Variants in SNX30 observed in about 807,000 individuals in gnomAD.
SNX30 encodes sorting nexin family member 30.
A neutral mutation model predicts 46.4 loss-of-function variants in SNX30; 24 were observed. That is an observed-to-expected ratio of 0.52 (90% CI 0.37 to 0.73). The LOEUF (loss-of-function observed/expected upper bound fraction) is 0.73. Among genes scored for constraint, SNX30 ranks in the 30% least tolerant of loss-of-function variants. SNX30 has a pLI of 0.00. For missense variants in SNX30, 533 were observed against 555.7 expected, an observed-to-expected ratio of 0.96 and a Z score of 0.41; for synonymous variants, 189 against 211.5, an observed-to-expected ratio of 0.89 and a Z score of 0.92.
In SNX30 at chr9:112,759,313, T is replaced by C. The variant is rs139411246; in HGVS notation, c.156+8156T>C. ...CTGTTCTTCAGGGTCCTCAGTGATC[T>C]CATTATTGCTAAATCCAGTAGATGC... On this transcript the variant is annotated intron_variant, in intron 1 of 8. Coordinates refer to ENST00000374232, the MANE Select transcript of SNX30 (RefSeq NM_001012994.2). 5.3e-5 allele frequency among the ~76,000 whole-genome samples: 8 copies of C among 152,304 alleles called. 1 individual carries two copies. In the East Asian group the frequency reaches 1.5e-3, roughly 29 times the overall value.
chr9:112,848,978 TAGG>T (rs1840982591), intron 6 of SNX30, among the ~76,000 whole-genome samples: 1 of 152,180 alleles, frequency 6.6e-6, no homozygotes, highest in African/African-American at 2.4e-5. Context: ...CAGCTTTAGT[TAGG>T]AGGCTCTTGC....
intron 4 of SNX30, among the ~76,000 whole-genome samples, chr9:112,832,869 A>T (rs932059217): frequency 1.2e-4 from 17 of 147,528 alleles, no homozygotes; most frequent in Non-Finnish European, 2.4e-4. Context: ...AATATAATAT[A>T]TATAAAATAT....
rs767780552 is a variant in SNX30 at position 112,836,293 on chromosome 9, A to G, written c.698A>G (p.Tyr233Cys). Residue 233 changes from tyrosine to cysteine, a missense_variant, in exon 5 of 9, where the codon TAC (tyrosine) becomes TGC (cysteine). Around this residue, in one of 3 missense-constraint regions of SNX30, gnomAD observed 261 missense variants for 270.9 expected, o/e 0.96. Transcript: ENST00000374232. ...TCAGTCAAGCACGTCACTGGCGGCTACAAGCTGAGGACTCGGCCGCTTGAG... is the reference window on the plus strand; with the variant it reads ...TCAGTCAAGCACGTCACTGGCGGCTGCAAGCTGAGGACTCGGCCGCTTGAG... ...GESVKHVTGG[Y>C]KLRTRPLEFA... 1.9e-6 allele frequency: 3 copies of G among 1,613,540 alleles called. No individual in the cohort carries two copies. Among genetic ancestry groups the G allele is most frequent in the East Asian group, 4.5e-5 (2 of 44,850 alleles).
chr9:112,790,027 C>T (rs1230046832), intron 1 of SNX30, among the ~76,000 whole-genome samples: 1 of 152,148 alleles, frequency 6.6e-6, no homozygotes, highest in Non-Finnish European at 1.5e-5. Context: ...AAACCATAGG[C>T]TATGGGCCTT....
intron 1 of SNX30, among the ~76,000 whole-genome samples, chr9:112,792,609 A>G (rs1840044874): frequency 6.6e-6 from 1 of 152,080 alleles, no homozygotes; most frequent in African/African-American, 2.4e-5. Flanking sequence ...TATTTTTACT[A>G]GAGACAGGGT....
intron 5 of SNX30, among the ~76,000 whole-genome samples, chr9:112,837,360 G>C (rs940093613): frequency 6.6e-6 from 1 of 152,172 alleles, no homozygotes; most frequent in African/African-American, 2.4e-5. Context: ...AGGGGCTGAG[G>C]TGGCCACCGA....
downstream of SNX30, chr9:112,875,327 A>G (rs1841506814): frequency 6.6e-6 from 1 of 152,232 alleles, no homozygotes; most frequent in Admixed American, 6.5e-5. Flanking sequence ...GTGTTATCCC[A>G]TAGCAAAGCA....
downstream of SNX30, among the ~76,000 whole-genome samples, chr9:112,882,617 T>TA (rs1163139530): frequency 2.0e-5 from 3 of 151,890 alleles, no homozygotes; most frequent in African/African-American, 4.8e-5. Flanking sequence ...GCAGTAGAGA[T>TA]AAAAAGAAAA....
At chr9:112,846,602 A>G (rs903818689) in intron 6 of SNX30, among the ~76,000 whole-genome samples, 12 of 152,044 alleles carry the variant, frequency 7.9e-5, no homozygotes, top group Non-Finnish European at 1.5e-4. Context: ...TTTTATTTTT[A>G]TTCTCATTTG....
In SNX30 at chr9:112,868,829, CAA is replaced by C. The variant is rs780763150; in HGVS notation, c.1301_1302del (p.Gln434ArgfsTer90). The C allele has an allele frequency of 2.5e-6, 4 of 1,614,064 alleles. No individual in the cohort carries two copies. Among genetic ancestry groups the C allele is most frequent in the Admixed American group, 1.7e-5 (1 of 60,024 alleles). ...ESIIPLLQEK[Q>X]EAK The stretch of plus-strand genomic sequence containing the variant: ...GATTATTCCACTACTGCAGGAGAAA[CAA>C]GAGGCCAAGTAAAGTTCTTTCTTGG... On this transcript the variant is annotated frameshift_variant, in exon 9 of 9. Transcript: ENST00000374232. LOFTEE classifies it high-confidence loss of function.
intron 6 of SNX30, among the ~76,000 whole-genome samples, chr9:112,841,357 G>A (rs1429314361): frequency 6.6e-6 from 1 of 152,210 alleles, no homozygotes; most frequent in Non-Finnish European, 1.5e-5. Context: ...TGTAATTTAA[G>A]TTAGACATCA....
intron 1 of SNX30, among the ~76,000 whole-genome samples, chr9:112,768,730 C>T (rs780913108): frequency 4.2e-5 from 6 of 141,614 alleles, no homozygotes; most frequent in African/African-American, 7.9e-5. Flanking sequence ...GATCTTGGCT[C>T]GCTGCAGCCT....
chr9:112,785,407 A>C (rs2059485076), intron 1 of SNX30, among the ~76,000 whole-genome samples: 2 of 140,958 alleles, frequency 1.4e-5, no homozygotes, highest in African/African-American at 5.3e-5. Flanking sequence ...TTTTGGAGAT[A>C]GAATCTCACT....
At chr9:112,795,785 A>T (rs1025041312) in intron 1 of SNX30, among the ~76,000 whole-genome samples, 6 of 151,896 alleles carry the variant, frequency 4.0e-5, no homozygotes, top group Non-Finnish European at 7.4e-5. Context: ...ACACACACAC[A>T]CACACACACA....
intron 6 of SNX30, among the ~76,000 whole-genome samples, chr9:112,841,623 C>A (rs377191037): frequency 1.3e-5 from 2 of 152,132 alleles, no homozygotes; most frequent in Non-Finnish European, 2.9e-5. Context: ...CACTTTTCAC[C>A]AGGAAAATGT....
At chr9:112,839,889 T>C (rs1840828133) in intron 6 of SNX30, among the ~76,000 whole-genome samples, 1 of 152,172 alleles carries the variant, frequency 6.6e-6, no homozygotes, top group African/African-American at 2.4e-5. Flanking sequence ...AGGAAAACAT[T>C]GTACAGCTTG....
intron 5 of SNX30, 133 bp downstream of exon 5, chr9:112,836,542 A>G: frequency 1.0e-6 from 1 of 976,328 alleles, no homozygotes; most frequent in East Asian, 2.6e-5. Flanking sequence ...TTATCAAAGA[A>G]ATACAAGGAG....
chr9:112,750,006 A>G (rs1322945147), upstream of SNX30, among the ~76,000 whole-genome samples: 1 of 152,238 alleles, frequency 6.6e-6, no homozygotes, highest in Non-Finnish European at 1.5e-5. Context: ...CACGCCAGCA[A>G]ATAAAGCTGA....
downstream of SNX30, among the ~76,000 whole-genome samples, chr9:112,882,975 T>C (rs946210571): frequency 4.6e-5 from 7 of 152,220 alleles, no homozygotes; most frequent in Non-Finnish European, 1.0e-4. Context: ...TGAGGTGTTT[T>C]GAAAGCCATG....
Sources: gnomAD v4.1 joint callset for allele counts (sites outside exome capture counted in the v4.1 genomes callset) on GRCh38, gnomAD v4.1.1 for gene constraint, gnomAD v4.1.1 regional missense constraint, MANE v1.5 for transcripts, NCBI Gene and HGNC (gene_info 2026-07-23, HGNC 2026-07-21) for gene names.